Variants in CSMD1 observed in about 807,000 individuals in gnomAD.
The protein encoded by CSMD1 is CUB and sushi domain-containing protein 1.
Under a neutral mutation model 417.5 loss-of-function variants are expected in CSMD1, and 213 were observed. The observed-to-expected ratio is 0.51, with a 90% CI of 0.46 to 0.57. The LOEUF is 0.57. Ranked by LOEUF, CSMD1 falls within the 20% of genes least tolerant of loss-of-function variation. The pLI is 0.00. For synonymous variants in CSMD1, 2,862 were observed against 1,736.8 expected, an observed-to-expected ratio of 1.65 and a Z score of -16.11; for missense variants, 6,923 against 4,529.7, an observed-to-expected ratio of 1.53 and a Z score of -15.17.
chr8:3,592,119 G>C (rs1376887987), intron 8 of CSMD1, among the ~76,000 whole-genome samples: 1 of 152,120 alleles, frequency 6.6e-6, no homozygotes, highest in East Asian at 1.9e-4. Flanking sequence ...TAGATACATA[G>C]ATGGATAGAT....
In CSMD1 at chr8:3,871,447, G is replaced by A. The variant is rs182046219; in HGVS notation, c.819-117405C>T. Among the ~76,000 whole-genome samples the A allele has an allele frequency of 7.3e-4, 111 of 151,886 alleles. 2 individuals are homozygous for A. The East Asian group carries it at 0.014, about 19-fold the overall frequency. On this transcript the variant is annotated intron_variant, in intron 5 of 69. Coordinates refer to ENST00000635120, the MANE Select transcript of CSMD1 (RefSeq NM_033225.6). ...AACATGCATCATTTAATTTCAACTTGCATTATTCTAAATTACTAGTGAGGT... is the reference window on the plus strand; with the variant it reads ...AACATGCATCATTTAATTTCAACTTACATTATTCTAAATTACTAGTGAGGT...
At chr8:4,278,937 G>C (rs915600405) in intron 3 of CSMD1, among the ~76,000 whole-genome samples, 1 of 152,114 alleles carries the variant, frequency 6.6e-6, no homozygotes, top group African/African-American at 2.4e-5. Context: ...AAAAATACTT[G>C]CCCTTCCCTG....
intron 1 of CSMD1, among the ~76,000 whole-genome samples, chr8:4,912,307 A>C (rs1439552303): frequency 1.3e-5 from 2 of 152,082 alleles, no homozygotes; most frequent in Non-Finnish European, 2.9e-5. Context: ...ACAGAAACAG[A>C]ATCTAATAAA....
At chr8:4,658,553 A>G (rs1328548303) in intron 1 of CSMD1, among the ~76,000 whole-genome samples, 1 of 152,216 alleles carries the variant, frequency 6.6e-6, no homozygotes, top group Non-Finnish European at 1.5e-5. Flanking sequence ...ACATTGATAA[A>G]CTAGAAATAA....
chr8:4,167,904 G>A (rs553880000), intron 3 of CSMD1, among the ~76,000 whole-genome samples: 1 of 152,162 alleles, frequency 6.6e-6, no homozygotes, highest in Non-Finnish European at 1.5e-5. Flanking sequence ...GAGGCAGGCG[G>A]ACTGCCTGAG....
intron 5 of CSMD1, among the ~76,000 whole-genome samples, chr8:3,840,921 G>A (rs1228227923): frequency 6.6e-6 from 1 of 151,884 alleles, no homozygotes; most frequent in Non-Finnish European, 1.5e-5. Context: ...CGGTCAGGCT[G>A]GTCTCGAACT....
intron 5 of CSMD1, among the ~76,000 whole-genome samples, chr8:3,917,615 T>A (rs202233119): frequency 1.9e-5 from 2 of 105,598 alleles, no homozygotes; most frequent in Non-Finnish European, 4.1e-5. Flanking sequence ...CATATTTATA[T>A]TTTACCTTTT....
In CSMD1 at chr8:3,142,641, T is replaced by C; in HGVS notation, c.6065A>G (p.Glu2022Gly). The C allele has an allele frequency of 6.2e-7, 1 of 1,613,990 alleles. No homozygotes were observed. The highest frequency in any genetic ancestry group is 8.5e-7 in the Non-Finnish European group (1 of 1,179,856). ...AHIQFLNFST[E>G]ANHDFLEIQN... ...AATTTCAAGGAAGTCATGATTAGCTTCGGTAGAAAAATTCAGAAACTGAAT... is the reference window on the plus strand; with the variant it reads ...AATTTCAAGGAAGTCATGATTAGCTCCGGTAGAAAAATTCAGAAACTGAAT... The change falls in exon 41 of 70, where the codon GAA becomes GGA. Residue 2022 changes from glutamate to glycine, a missense_variant. Transcript: ENST00000635120.
intron 16 of CSMD1, among the ~76,000 whole-genome samples, chr8:3,398,364 C>G (rs928772560): frequency 9.9e-5 from 15 of 152,072 alleles, no homozygotes; most frequent in African/African-American, 3.6e-4. Flanking sequence ...ACTTTTTTCT[C>G]TTGTTCTAAG....
intron 10 of CSMD1, among the ~76,000 whole-genome samples, chr8:3,517,375 T>C (rs778446790): frequency 5.9e-5 from 9 of 152,194 alleles, no homozygotes; most frequent in Non-Finnish European, 1.0e-4. Context: ...TTATTAAGTG[T>C]TTTAAGGAAG....
intron 5 of CSMD1, among the ~76,000 whole-genome samples, chr8:3,817,236 G>GGCA (rs1554447268): frequency 8.0e-6 from 1 of 125,266 alleles, no homozygotes; most frequent in Admixed American, 9.5e-5. Context: ...ATCCAAAGTG[G>GGCA]TCATATCTTC....
At chr8:3,093,183 G>A (rs1351800345) in intron 47 of CSMD1, among the ~76,000 whole-genome samples, 1 of 152,094 alleles carries the variant, frequency 6.6e-6, no homozygotes, top group African/African-American at 2.4e-5. Flanking sequence ...CATAACTAAG[G>A]TTAAACGAGG....
At chr8:2,974,302 C>T (rs552077350) in intron 56 of CSMD1, 149 bp downstream of exon 56, 50 of 658,246 alleles carry the variant, frequency 7.6e-5, no homozygotes, top group Non-Finnish European at 1.0e-4. Context: ...ATAAGAGCGG[C>T]GTATTTGGCT....
intron 3 of CSMD1, among the ~76,000 whole-genome samples, chr8:4,248,540 A>G (rs1273596365): frequency 6.6e-6 from 1 of 152,204 alleles, no homozygotes; most frequent in Non-Finnish European, 1.5e-5. Context: ...AGGTTTTGCC[A>G]TAGACACATT....
At chr8:3,005,399 G>T (rs1271332281) in intron 52 of CSMD1, among the ~76,000 whole-genome samples, 1 of 152,118 alleles carries the variant, frequency 6.6e-6, no homozygotes, top group Non-Finnish European at 1.5e-5. Context: ...AGAAAAAGAC[G>T]GAATCCTCCC....
At chr8:4,254,080 C>A (rs112150545) in intron 3 of CSMD1, among the ~76,000 whole-genome samples, 13,818 of 151,736 alleles carry the variant, frequency 0.091, 916 homozygotes, top group East Asian at 0.35. Context: ...CCACGCCTGG[C>A]TAATTTTTTT....
At chr8:3,803,868 A>G (rs1278747149) in intron 5 of CSMD1, among the ~76,000 whole-genome samples, 1 of 152,152 alleles carries the variant, frequency 6.6e-6, no homozygotes, top group Non-Finnish European at 1.5e-5. Context: ...GCTACTGAGG[A>G]GAGGAATTTG....
chr8:3,294,771 C>T (rs1314362657), intron 25 of CSMD1, among the ~76,000 whole-genome samples: 1 of 152,204 alleles, frequency 6.6e-6, no homozygotes, highest in African/African-American at 2.4e-5. Context: ...CTTGCACTTC[C>T]TGGGTGAGTT....
chr8:3,782,595 T>C (rs549332831), intron 5 of CSMD1, among the ~76,000 whole-genome samples: 3 of 152,310 alleles, frequency 2.0e-5, no homozygotes, highest in African/African-American at 7.2e-5. Flanking sequence ...TGTAATCCTA[T>C]GTAACAAACC....
Sources: allele counts gnomAD v4.1 joint callset (sites outside exome capture counted in the v4.1 genomes callset), GRCh38; gene constraint gnomAD v4.1.1; transcripts MANE v1.5; gene names NCBI Gene and HGNC (gene_info 2026-07-23, HGNC 2026-07-21).